Variants in RHOT1 observed in about 807,000 individuals in gnomAD.
RHOT1 encodes the protein mitochondrial Rho GTPase 1.
In RHOT1, 27 loss-of-function variants were observed where a neutral mutation model predicts 95.3. The observed-to-expected ratio is 0.28, with a 90% CI of 0.21 to 0.39. The LOEUF (loss-of-function observed/expected upper bound fraction) is 0.39, where lower values mean the gene tolerates loss of function less well. Among genes scored for constraint, RHOT1 ranks in the 10% least tolerant of loss-of-function variants. The pLI is 1.00. For missense variants in RHOT1, 578 were observed against 786.7 expected (o/e 0.73, Z 3.17); for synonymous variants, 227 against 263.5 (o/e 0.86, Z 1.34).
At chr17:32,219,796 A>G (rs780530667) in intron 19 of RHOT1, among the ~76,000 whole-genome samples, 1 of 152,228 alleles carries the variant, frequency 6.6e-6, no homozygotes, top group African/African-American at 2.4e-5. Flanking sequence ...TGAAAGCTCT[A>G]ACAAACTGCG....
At chr17:32,156,650 T>G (rs1025812103) in intron 1 of RHOT1, among the ~76,000 whole-genome samples, 1 of 152,156 alleles carries the variant, frequency 6.6e-6, no homozygotes, top group Non-Finnish European at 1.5e-5. Context: ...GCATATGCCG[T>G]AAGCATTTAG....
intron 1 of RHOT1, among the ~76,000 whole-genome samples, chr17:32,166,337 T>A (rs1188005423): frequency 6.6e-6 from 1 of 152,190 alleles, no homozygotes; most frequent in Non-Finnish European, 1.5e-5. Context: ...AGTTGTAACC[T>A]TTTTGCTGGT....
In RHOT1 at chr17:32,181,540, G is replaced by C. The variant is rs559563975; in HGVS notation, c.330-1217G>C. On this transcript the variant is annotated intron_variant, in intron 6 of 19. Transcript: ENST00000545287. ...TTATATTTTTTAAAATTTTCACTAA[G>C]AAATTTTTAAAAATTTGTTAGTGAT... Among the ~76,000 whole-genome samples the C allele has an allele frequency of 1.2e-4, 18 of 152,052 alleles. 1 individual carries two copies. The highest frequency in any genetic ancestry group is 1.1e-3 in the Admixed American group (17 of 15,270).
intron 18 of RHOT1, chr17:32,209,509 A>T: frequency 1.0e-6 from 1 of 970,682 alleles, no homozygotes; most frequent in Non-Finnish European, 1.6e-6. Flanking sequence ...AGAATGACCA[A>T]ATCTCCTTTC....
At chr17:32,188,149 C>G (rs2142728250) in intron 8 of RHOT1, among the ~76,000 whole-genome samples, 1 of 152,334 alleles carries the variant, frequency 6.6e-6, no homozygotes, top group Admixed American at 6.5e-5. Flanking sequence ...GTATATCACT[C>G]TACCAGGACC....
chr17:32,173,150 A>G (rs2034714396), intron 2 of RHOT1: 1 of 152,234 alleles, frequency 6.6e-6, no homozygotes, highest in South Asian at 2.1e-4. Context: ...TAGTTTTAAT[A>G]TATATTTGCA....
intron 19 of RHOT1, among the ~76,000 whole-genome samples, chr17:32,215,776 T>A (rs2038435129): frequency 6.6e-6 from 1 of 152,214 alleles, no homozygotes. Flanking sequence ...GTATATTAAC[T>A]TTGATGTGTG....
chr17:32,194,228 C>A, intron 11 of RHOT1, 121 bp downstream of exon 11: 1 of 972,336 alleles, frequency 1.0e-6, no homozygotes, highest in East Asian at 2.4e-5. Flanking sequence ...ACCTTGGCCT[C>A]CCAAATTGCT....
intron 8 of RHOT1, among the ~76,000 whole-genome samples, chr17:32,185,822 G>A (rs2036004793): frequency 6.8e-6 from 1 of 147,530 alleles, no homozygotes; most frequent in African/African-American, 2.5e-5. Context: ...CAAGGCTCAG[G>A]CCATCCTCCC....
At position 32,193,967 on chromosome 17, in the gene RHOT1, ACT is replaced by A. The variant is rs1247866349; in HGVS notation, c.749-19_749-18del. On this transcript the variant is annotated intron_variant, in intron 10 of 19. Transcript: ENST00000545287. The stretch of plus-strand genomic sequence containing the variant: ...CTATGTGACTCTGTACACTTTATTT[ACT>A]AATTTACTTTATTTCAGGTTTTCTC... The A allele has an allele frequency of 9.9e-6, 16 of 1,610,578 alleles. No homozygotes were observed. The Admixed American group carries it at 2.7e-4, about 27-fold the overall frequency.
rs747777034 is a variant in RHOT1 at position 32,147,818 on chromosome 17, C to CA, written c.37+5104dup. On this transcript the variant is annotated intron_variant, in intron 1 of 19. Transcript: ENST00000545287. Reference sequence around the variant, plus strand: ...TGGGCGATAGAGTGAGACTCCATTTCAAAAAAAAAAAAAAAGATTAAACTG... The same window carrying CA: ...TGGGCGATAGAGTGAGACTCCATTTCAAAAAAAAAAAAAAAAGATTAAACTG... Among the ~76,000 whole-genome samples, 792 of 114,960 alleles carry CA rather than the reference C, an allele frequency of 6.9e-3. 6 individuals are homozygous for CA. The highest frequency in any genetic ancestry group is 0.051 in the East Asian group (208 of 4,046). The allele number at this position is 114,960 out of a possible 152,430, so 75.4% of individuals were successfully genotyped here. A position where few individuals can be genotyped will look rare whatever the true frequency, so the allele number is the denominator to read the frequency against.
At chr17:32,193,903 A>G in intron 10 of RHOT1, 84 bp from the exon 11 acceptor site, 1 of 1,511,324 alleles carries the variant, frequency 6.6e-7, no homozygotes, top group Non-Finnish European at 9.0e-7. Context: ...CCGTATGTTC[A>G]TGAATCTGGT....
At chr17:32,154,430 C>T (rs1056114980) in intron 1 of RHOT1, among the ~76,000 whole-genome samples, 1 of 147,714 alleles carries the variant, frequency 6.8e-6, no homozygotes, top group African/African-American at 2.5e-5. Context: ...AAAAAAAATA[C>T]AAAAAAATTA....
intron 1 of RHOT1, among the ~76,000 whole-genome samples, chr17:32,165,791 A>G (rs978471311): frequency 6.6e-6 from 1 of 152,204 alleles, no homozygotes; most frequent in Non-Finnish European, 1.5e-5. Flanking sequence ...TCATATATAA[A>G]TAAGTAAACA....
At chr17:32,205,327 T>A (rs1275843859) in intron 16 of RHOT1, among the ~76,000 whole-genome samples, 3 of 152,178 alleles carry the variant, frequency 2.0e-5, no homozygotes, top group Non-Finnish European at 2.9e-5. Flanking sequence ...GTTTCATCCA[T>A]GTCCCTGCAA....
intron 19 of RHOT1, among the ~76,000 whole-genome samples, chr17:32,211,835 C>G (rs2038152860): frequency 6.6e-6 from 1 of 151,840 alleles, no homozygotes; most frequent in African/African-American, 2.4e-5. Flanking sequence ...ATCTGTAGTA[C>G]TGTTTTTTTA....
At chr17:32,190,842 CTGGAGTGCAGTGA>C (rs1424053845) in intron 8 of RHOT1, among the ~76,000 whole-genome samples, 5 of 152,170 alleles carry the variant, frequency 3.3e-5, no homozygotes, top group Admixed American at 1.3e-4. Flanking sequence ...GTCTCCCAGA[CTGGAGTGCAGTGA>C]TGGAATATCG....
intron 1 of RHOT1, among the ~76,000 whole-genome samples, chr17:32,148,136 G>A (rs2031660949): frequency 1.3e-5 from 2 of 152,084 alleles, no homozygotes; most frequent in South Asian, 4.1e-4. Context: ...GTGGTGGCAG[G>A]TGCCTGTAGT....
intron 19 of RHOT1, among the ~76,000 whole-genome samples, chr17:32,223,900 C>T (rs1033727956): frequency 6.6e-6 from 1 of 152,144 alleles, no homozygotes; most frequent in Non-Finnish European, 1.5e-5. Context: ...TACAGGCTGT[C>T]CCTGTTCTTG....
Sources: allele counts gnomAD v4.1 joint callset (sites outside exome capture counted in the v4.1 genomes callset), GRCh38; gene constraint gnomAD v4.1.1; transcripts MANE v1.5; gene names NCBI Gene and HGNC (gene_info 2026-07-23, HGNC 2026-07-21).